HPD: variants seen among roughly 807,000 people sequenced by gnomAD.
HPD encodes the protein 4-hydroxyphenylpyruvic acid oxidase.
Under a neutral mutation model 56.9 loss-of-function variants are expected in HPD, and 35 were observed. That is an observed-to-expected ratio of 0.62 (90% CI 0.47 to 0.82). HPD has a LOEUF of 0.82. Among genes scored for constraint, HPD ranks in the 40% least tolerant of loss-of-function variants. The pLI, the probability that HPD is intolerant of heterozygous loss-of-function variation, is 0.00. For missense variants in HPD, 442 were observed against 506.8 expected, an observed-to-expected ratio of 0.87 and a Z score of 1.23; for synonymous variants, 186 against 200.2, an observed-to-expected ratio of 0.93 and a Z score of 0.60.
At chr12:121,865,435 A>AT (rs1271449552), upstream of HPD, among the ~76,000 whole-genome samples, 1 of 150,580 alleles carries the variant, frequency 6.6e-6, no homozygotes, top group African/African-American at 2.4e-5. Context: ...ACACCCGGCT[A>AT]TTTTTTGTAT....
chr12:121,874,297 CTA>C, the HPD span: 4 of 152,128 alleles, frequency 2.6e-5, no homozygotes, highest in African/African-American at 9.7e-5. Context: ...ATTCATATTA[CTA>C]TGTTTGTGAT....
upstream of HPD, among the ~76,000 whole-genome samples, chr12:121,866,307 A>G (rs910502234): frequency 3.3e-5 from 5 of 151,914 alleles, no homozygotes; most frequent in Admixed American, 3.3e-4. Context: ...CCTCAAAAAA[A>G]AAAAAAAAAG....
chr12:121,847,833 G>A (rs1206135505), intron 9 of HPD, among the ~76,000 whole-genome samples: 1 of 152,006 alleles, frequency 6.6e-6, no homozygotes. Context: ...CACTGTGCCC[G>A]GCCGTATTTT....
the HPD span, among the ~76,000 whole-genome samples, chr12:121,887,355 T>C: frequency 6.7e-6 from 1 of 149,650 alleles, no homozygotes; most frequent in South Asian, 2.1e-4. Flanking sequence ...CCTGTATTTC[T>C]CTCTCTCTCT....
At chr12:121,848,277 G>T (rs1339883822) in intron 9 of HPD, among the ~76,000 whole-genome samples, 2 of 151,984 alleles carry the variant, frequency 1.3e-5, no homozygotes, top group Non-Finnish European at 2.9e-5. Flanking sequence ...AACATCTTGT[G>T]CTGTATTTTC....
At chr12:121,870,839 G>A in the HPD span, among the ~76,000 whole-genome samples, 8 of 151,800 alleles carry the variant, frequency 5.3e-5, no homozygotes, top group Non-Finnish European at 1.5e-5. Context: ...CAGTTGATCC[G>A]CCCGCCTCGG....
In HPD at chr12:121,856,358, G is replaced by T. The variant is rs984792300; in HGVS notation, c.290C>A (p.Ala97Glu). The change falls in exon 6 of 14, where the codon GCG becomes GAG. Residue 97 changes from alanine (A) to glutamate (E), a missense_variant. Physicochemically the swap from Ala to Glu is moderately radical, Grantham distance 107 (BLOSUM62 -1). Transcript: ENST00000289004. ...GTAGTCACAATCTTCCACCTCGAAC[G>T]CAATGTCCTTCACTCCGTCACCGTG... ...VKHGDGVKDI[A>E]FEVEDCDYIV... The T allele has an allele frequency of 2.5e-6, 4 of 1,614,022 alleles. No homozygotes were observed. Among genetic ancestry groups the T allele is most frequent in the East Asian group, 2.2e-5 (1 of 44,880 alleles).
At chr12:121,875,263 CAG>C in the HPD span, among the ~76,000 whole-genome samples, 3 of 152,132 alleles carry the variant, frequency 2.0e-5, no homozygotes, top group Admixed American at 6.6e-5. Flanking sequence ...AGGGAAAAAA[CAG>C]ACAGTGGTCC....
At chr12:121,872,237 C>CA in the HPD span, among the ~76,000 whole-genome samples, 555 of 124,966 alleles carry the variant, frequency 4.4e-3, 5 homozygotes, top group African/African-American at 0.014. Flanking sequence ...AGACTCCTCT[C>CA]AAAAAAAAAA....
chr12:121,857,711 T>TCTGCC (rs753074599), intron 3 of HPD, 46 bp downstream of exon 3: 3 of 1,532,598 alleles, frequency 2.0e-6, no homozygotes, highest in Non-Finnish European at 1.8e-6. Flanking sequence ...CAGGCAGCCC[T>TCTGCC]CTGCCCTGCC....
At chr12:121,887,606 A>G in the HPD span, among the ~76,000 whole-genome samples, 1 of 152,114 alleles carries the variant, frequency 6.6e-6, no homozygotes, top group African/African-American at 2.4e-5. Flanking sequence ...TCCTGACCTC[A>G]AATGATCTGC....
intron 12 of HPD, among the ~76,000 whole-genome samples, chr12:121,841,977 C>A (rs1877423168): frequency 6.6e-6 from 1 of 151,872 alleles, no homozygotes; most frequent in Admixed American, 6.6e-5. Flanking sequence ...GCCACCGTGC[C>A]TGGACTTTGT....
upstream of HPD, among the ~76,000 whole-genome samples, chr12:121,862,467 T>C (rs1012452516): frequency 9.9e-5 from 15 of 151,824 alleles, no homozygotes; most frequent in African/African-American, 3.6e-4. Flanking sequence ...CCAGCTAATT[T>C]TGTATTTTTA....
chr12:121,855,435 A>G (rs1046692408), intron 6 of HPD, among the ~76,000 whole-genome samples: 1 of 152,152 alleles, frequency 6.6e-6, no homozygotes. Flanking sequence ...AGTAATTCTG[A>G]GGCCAGGCAA....
the HPD span, among the ~76,000 whole-genome samples, chr12:121,881,186 T>C: frequency 6.6e-6 from 1 of 152,220 alleles, no homozygotes; most frequent in Non-Finnish European, 1.5e-5. Flanking sequence ...GCTTCCCTTT[T>C]TCCATTCTAT....
At chr12:121,870,407 C>G in the HPD span, among the ~76,000 whole-genome samples, 5 of 151,154 alleles carry the variant, frequency 3.3e-5, no homozygotes, top group East Asian at 1.0e-3. Flanking sequence ...ACTAGGGAGG[C>G]TGAGGCGGGA....
At chr12:121,856,541 C>T (rs1367474737) in intron 5 of HPD, 42 bp downstream of exon 5, 2 of 1,611,306 alleles carry the variant, frequency 1.2e-6, no homozygotes, top group Admixed American at 1.7e-5. Context: ...AACCCAGATC[C>T]CACCCACAGA....
At chr12:121,875,409 C>G in the HPD span, among the ~76,000 whole-genome samples, 1 of 151,234 alleles carries the variant, frequency 6.6e-6, no homozygotes, top group Non-Finnish European at 1.5e-5. Flanking sequence ...TTTTTTTTCT[C>G]CCCCTTTTTC....
rs749940207 is a variant in HPD, at chr12:121,839,726, GC to G, written c.*1del. On this transcript the variant is annotated 3_prime_UTR_variant, in exon 14 of 14. Coordinates refer to ENST00000289004, the MANE Select transcript of HPD (RefSeq NM_002150.3). ...CTGTGGCCTCCGTGGGGTGGGCGGGGCTTACATGCCGGGCACCACCCCATTG... is the reference window on the plus strand; with the variant it reads ...CTGTGGCCTCCGTGGGGTGGGCGGGGTTACATGCCGGGCACCACCCCATTG... 3 of 1,606,480 alleles carry G rather than the reference GC, an allele frequency of 1.9e-6. No homozygotes were observed. Among genetic ancestry groups the G allele is most frequent in the Admixed American group, 1.7e-5 (1 of 60,008 alleles).
Sources: gnomAD v4.1 joint callset for allele counts (sites outside exome capture counted in the v4.1 genomes callset) on GRCh38, gnomAD v4.1.1 for gene constraint, MANE v1.5 for transcripts, NCBI Gene and HGNC (gene_info 2026-07-23, HGNC 2026-07-21) for gene names.